The following IL1RAPL1 variants were observed in gnomAD, a reference collection of about 807,000 sequenced individuals.
IL1RAPL1 encodes interleukin-1 receptor accessory protein-like 1.
In IL1RAPL1, 3 loss-of-function variants were observed where a neutral mutation model predicts 48.4. The observed-to-expected ratio is 0.06, with a 90% CI of 0.03 to 0.16. The LOEUF is 0.16. Among genes scored for constraint, IL1RAPL1 ranks in the 10% least tolerant of loss-of-function variants. The probability of loss-of-function intolerance (pLI) is 1.00; values close to 1 mark genes in which losing one functional copy is unlikely to be tolerated. For missense variants in IL1RAPL1, 349 were observed against 530.6 expected (o/e 0.66, Z 3.36); for synonymous variants, 185 against 187.7 (o/e 0.99, Z 0.12).
rs779700565 is a variant in IL1RAPL1, at chrX:28,855,045, G to A, written c.82+65620G>A. Among the ~76,000 whole-genome samples, 8 of 111,409 alleles carry A rather than the reference G, an allele frequency of 7.2e-5. No homozygotes were observed. The South Asian group carries it at 3.0e-3, about 42-fold the overall frequency. ...GTTTATTTGTTTGTTTTTGAGACAG[G>A]GTCTCACTCTGTCACCCAGGTTGGA... On this transcript the variant is annotated intron_variant, in intron 2 of 10. Coordinates refer to ENST00000378993, the MANE Select transcript of IL1RAPL1 (RefSeq NM_014271.4).
In IL1RAPL1 at chrX:28,775,951, C is replaced by T. The variant is rs149311690; in HGVS notation, c.-24-13369C>T. On this transcript the variant is annotated intron_variant, in intron 1 of 10. Coordinates refer to ENST00000378993, the MANE Select transcript of IL1RAPL1 (RefSeq NM_014271.4). ...AGTAACTTCTGTACTCCATCACTCTCTACCCTCATAATGTGTATTAACTGA... is the reference window on the plus strand; with the variant it reads ...AGTAACTTCTGTACTCCATCACTCTTTACCCTCATAATGTGTATTAACTGA... Among the ~76,000 whole-genome samples, 53 of 112,293 alleles carry T rather than the reference C, an allele frequency of 4.7e-4. No individual in the cohort carries two copies. The East Asian group carries it at 0.013, about 27-fold the overall frequency.
rs536581638 is a variant in IL1RAPL1, at chrX:28,755,879, C to T, written c.-24-33441C>T. Among the ~76,000 whole-genome samples the T allele has an allele frequency of 9.0e-5, 10 of 111,545 alleles. No individual in the cohort carries two copies. In the South Asian group the frequency reaches 3.8e-3, roughly 42 times the overall value. The stretch of plus-strand genomic sequence containing the variant: ...ATTGAAGGGCTTACCCTGAGAATTT[C>T]TGATTCAGAGAGTCTAGGATTTGGC... On this transcript the variant is annotated intron_variant, in intron 1 of 10. Coordinates refer to ENST00000378993, the MANE Select transcript of IL1RAPL1 (RefSeq NM_014271.4).
At chrX:29,575,835 C>A (rs1053977845) in intron 5 of IL1RAPL1, among the ~76,000 whole-genome samples, 5 of 111,891 alleles carry the variant, frequency 4.5e-5, no homozygotes, top group Admixed American at 9.5e-5. Context: ...TTTCCTTGAA[C>A]CTAAACTGTG....
intron 5 of IL1RAPL1, among the ~76,000 whole-genome samples, chrX:29,423,727 A>T (rs1003614860): frequency 9.0e-6 from 1 of 111,729 alleles, no homozygotes; most frequent in African/African-American, 3.3e-5. Flanking sequence ...CATGATGATG[A>T]TTACTAGCAT....
intron 5 of IL1RAPL1, among the ~76,000 whole-genome samples, chrX:29,656,498 A>G (rs903049056): frequency 4.5e-5 from 5 of 111,206 alleles, no homozygotes; most frequent in Non-Finnish European, 7.5e-5. Context: ...GCTCCCACTT[A>G]TAAGTGAGAA....
At chrX:28,662,091 G>A (rs1458398739) in intron 1 of IL1RAPL1, among the ~76,000 whole-genome samples, 2 of 110,699 alleles carry the variant, frequency 1.8e-5, no homozygotes, top group Admixed American at 1.9e-4. Context: ...TTTTTTAGAT[G>A]GTGGTTGATT....
At chrX:29,381,833 A>AAAATATATATAT (rs1365599735) in intron 3 of IL1RAPL1, among the ~76,000 whole-genome samples, 5 of 25,389 alleles carry the variant, frequency 2.0e-4, no homozygotes, top group Non-Finnish European at 1.6e-4. Flanking sequence ...AAAAAAAAAA[A>AAAATATATATAT]ATATATATAT....
chrX:29,374,433 A>G (rs1229445351), intron 3 of IL1RAPL1, among the ~76,000 whole-genome samples: 1 of 107,866 alleles, frequency 9.3e-6, no homozygotes, highest in Admixed American at 1.0e-4. Flanking sequence ...TTTTAAATGT[A>G]TAGTGTAATC....
intron 2 of IL1RAPL1, among the ~76,000 whole-genome samples, chrX:29,039,445 A>G (rs1926795948): frequency 9.0e-6 from 1 of 111,636 alleles, no homozygotes; most frequent in African/African-American, 3.3e-5. Context: ...CTCCTGAATG[A>G]ATTGTTTTCT....
intron 2 of IL1RAPL1, among the ~76,000 whole-genome samples, chrX:28,936,364 G>A (rs1322557170): frequency 1.5e-4 from 16 of 110,024 alleles, no homozygotes; most frequent in Non-Finnish European, 5.7e-5. Context: ...AAAAAAATTA[G>A]CCAGACATGG....
intron 5 of IL1RAPL1, among the ~76,000 whole-genome samples, chrX:29,652,257 A>G (rs752340154): frequency 8.9e-6 from 1 of 112,122 alleles, no homozygotes; most frequent in East Asian, 2.8e-4. Flanking sequence ...TGCGTTTACA[A>G]TCTCAATGGA....
At chrX:29,853,401 T>C (rs1894739898) in intron 6 of IL1RAPL1, among the ~76,000 whole-genome samples, 1 of 110,239 alleles carries the variant, frequency 9.1e-6, no homozygotes, top group Admixed American at 9.7e-5. Flanking sequence ...GAGGCTTTAG[T>C]AAGCCGTGAT....
intron 5 of IL1RAPL1, among the ~76,000 whole-genome samples, chrX:29,465,247 A>T (rs1302337627): frequency 1.8e-5 from 2 of 110,463 alleles, no homozygotes; most frequent in African/African-American, 6.6e-5. Context: ...TCTACAAAAA[A>T]ATACAAAAAT....
chrX:29,097,359 C>G (rs2147460960), intron 2 of IL1RAPL1, among the ~76,000 whole-genome samples: 1 of 111,636 alleles, frequency 9.0e-6, no homozygotes, highest in Admixed American at 9.5e-5. Context: ...ACTCTTGGAA[C>G]TCCAAGAAAA....
chrX:28,672,897 C>T (rs765563411), intron 1 of IL1RAPL1, among the ~76,000 whole-genome samples: 10 of 111,293 alleles, frequency 9.0e-5, no homozygotes, highest in Non-Finnish European at 1.7e-4. Flanking sequence ...TATTTCCTCA[C>T]CCAGGTATTA....
chrX:29,418,115 A>ATTT (rs1569307121), intron 5 of IL1RAPL1, among the ~76,000 whole-genome samples: 1 of 28,593 alleles, frequency 3.5e-5, no homozygotes, highest in Admixed American at 6.5e-4. Context: ...ATATATATAT[A>ATTT]TATATATATA....
At chrX:29,917,234 C>T (rs1199707967) in intron 6 of IL1RAPL1, among the ~76,000 whole-genome samples, 7 of 112,330 alleles carry the variant, frequency 6.2e-5, no homozygotes, top group Admixed American at 9.5e-5. Context: ...AATAGCCGAC[C>T]AGTCCTCTTG....
chrX:29,325,335 A>G (rs759298068), intron 3 of IL1RAPL1, among the ~76,000 whole-genome samples: 2 of 112,312 alleles, frequency 1.8e-5, no homozygotes, highest in East Asian at 2.8e-4. Context: ...ATTTCAGAGG[A>G]CAGATGAAGG....
At chrX:29,004,937 G>C (rs1447187120) in intron 2 of IL1RAPL1, among the ~76,000 whole-genome samples, 3 of 112,154 alleles carry the variant, frequency 2.7e-5, no homozygotes, top group Non-Finnish European at 5.6e-5. Context: ...TTGTTAATCT[G>C]TGGAAACACT....
Sources: allele counts gnomAD v4.1 joint callset (sites outside exome capture counted in the v4.1 genomes callset), GRCh38; gene constraint gnomAD v4.1.1; transcripts MANE v1.5; gene names NCBI Gene and HGNC (gene_info 2026-07-23, HGNC 2026-07-21).